BTBD9: variants seen among roughly 807,000 people sequenced by gnomAD.
BTBD9 encodes the protein BTB/POZ domain-containing protein 9.
In BTBD9, 49 loss-of-function variants were observed where a neutral mutation model predicts 64.3. That is an observed-to-expected ratio of 0.76 (90% confidence interval 0.61 to 0.97). BTBD9 has a LOEUF of 0.97. Among genes scored for constraint, BTBD9 ranks in the 50% least tolerant of loss-of-function variants. The pLI is 0.00. For synonymous variants in BTBD9, 260 were observed against 274.7 expected, an observed-to-expected ratio of 0.95 and a Z score of 0.53; for missense variants, 598 against 762.1, an observed-to-expected ratio of 0.78 and a Z score of 2.53.
chr6:38,418,194 A>G (rs1486831140), intron 6 of BTBD9, among the ~76,000 whole-genome samples: 4 of 152,224 alleles, frequency 2.6e-5, no homozygotes, highest in Non-Finnish European at 5.9e-5. Context: ...GCCTTCCAAG[A>G]GAAATAAATT....
intron 6 of BTBD9, among the ~76,000 whole-genome samples, chr6:38,533,264 T>G (rs1259626704): frequency 2.0e-5 from 3 of 152,092 alleles, no homozygotes; most frequent in African/African-American, 7.2e-5. Flanking sequence ...GGAGTAGCTA[T>G]ACTTATATCA....
chr6:38,182,885 A>G (rs1761625433), intron 10 of BTBD9, among the ~76,000 whole-genome samples: 2 of 152,162 alleles, frequency 1.3e-5, no homozygotes, highest in Non-Finnish European at 2.9e-5. Flanking sequence ...TGAAACAACC[A>G]TATGTGCTCA....
At chr6:38,395,312 T>C (rs1195722089) in intron 6 of BTBD9, among the ~76,000 whole-genome samples, 1 of 152,012 alleles carries the variant, frequency 6.6e-6, no homozygotes, top group Non-Finnish European at 1.5e-5. Context: ...GGTTTGCACC[T>C]ATAGTCCCAG....
intron 8 of BTBD9, among the ~76,000 whole-genome samples, chr6:38,282,751 G>T (rs747955391): frequency 1.3e-5 from 2 of 152,256 alleles, no homozygotes; most frequent in African/African-American, 2.4e-5. Context: ...CATCCCCAGA[G>T]GACTTACTGT....
intron 7 of BTBD9, among the ~76,000 whole-genome samples, chr6:38,322,661 C>T (rs575950708): frequency 1.3e-5 from 2 of 152,282 alleles, no homozygotes; most frequent in Admixed American, 6.5e-5. Context: ...TGGGGAGTGA[C>T]GTTTACAGCG....
chr6:38,380,828 G>C (rs2127614520), intron 6 of BTBD9, among the ~76,000 whole-genome samples: 1 of 152,228 alleles, frequency 6.6e-6, no homozygotes, highest in East Asian at 1.9e-4. Flanking sequence ...CTGGGCAACA[G>C]AGCGAGACCC....
At chr6:38,360,693 G>A (rs752420220) in intron 6 of BTBD9, among the ~76,000 whole-genome samples, 38 of 152,084 alleles carry the variant, frequency 2.5e-4, no homozygotes, top group Non-Finnish European at 4.9e-4. Flanking sequence ...GCAAAATCTA[G>A]GAATATGACC....
intron 6 of BTBD9, among the ~76,000 whole-genome samples, chr6:38,431,560 T>C (rs531889216): frequency 6.6e-5 from 10 of 152,272 alleles, no homozygotes; most frequent in Middle Eastern, 6.8e-3. Flanking sequence ...CTCCTCCCCA[T>C]TGTCTTATCT....
intron 6 of BTBD9, among the ~76,000 whole-genome samples, chr6:38,403,215 T>G (rs1767020974): frequency 6.6e-6 from 1 of 152,000 alleles, no homozygotes; most frequent in African/African-American, 2.4e-5. Context: ...ATTTAAAACT[T>G]TTGTGCTTCA....
intron 1 of BTBD9, among the ~76,000 whole-genome samples, chr6:38,604,431 G>C (rs562386364): frequency 6.6e-5 from 10 of 152,284 alleles, no homozygotes; most frequent in African/African-American, 2.2e-4. Flanking sequence ...GAACAAACTA[G>C]TTTCTGAATA....
intron 9 of BTBD9, among the ~76,000 whole-genome samples, chr6:38,203,174 G>T (rs1052301990): frequency 6.6e-6 from 1 of 152,072 alleles, no homozygotes; most frequent in Non-Finnish European, 1.5e-5. Flanking sequence ...AAAAATAATA[G>T]ATGTTGGTAA....
At chr6:38,516,893 C>T (rs752931291) in intron 6 of BTBD9, among the ~76,000 whole-genome samples, 1 of 152,192 alleles carries the variant, frequency 6.6e-6, no homozygotes, top group Non-Finnish European at 1.5e-5. Context: ...GCCTCTTCTG[C>T]CACCAACTCA....
chr6:38,185,576 C>T (rs553459972), intron 10 of BTBD9, among the ~76,000 whole-genome samples: 2 of 152,272 alleles, frequency 1.3e-5, no homozygotes, highest in African/African-American at 4.8e-5. Flanking sequence ...GTCTCTCAGC[C>T]TCGGTTGCCT....
intron 9 of BTBD9, among the ~76,000 whole-genome samples, chr6:38,200,683 G>A (rs930910390): frequency 1.6e-4 from 25 of 152,064 alleles, no homozygotes; most frequent in African/African-American, 5.8e-4. Context: ...ATAAACTCCT[G>A]GAAACATGCA....
At chr6:38,380,690 T>A (rs1765891179) in intron 6 of BTBD9, among the ~76,000 whole-genome samples, 1 of 152,008 alleles carries the variant, frequency 6.6e-6, no homozygotes, top group African/African-American at 2.4e-5. Context: ...AGAGTTTTTT[T>A]AAAATACAGC....
At chr6:38,613,427 G>C (rs1206840594) in intron 1 of BTBD9, among the ~76,000 whole-genome samples, 1 of 152,156 alleles carries the variant, frequency 6.6e-6, no homozygotes, top group Non-Finnish European at 1.5e-5. Flanking sequence ...TTTGAGACCA[G>C]CTTGGCCAAC....
intron 1 of BTBD9, among the ~76,000 whole-genome samples, chr6:38,611,012 A>G (rs1230057579): frequency 6.6e-6 from 1 of 152,092 alleles, no homozygotes; most frequent in African/African-American, 2.4e-5. Flanking sequence ...GAATAGATCT[A>G]TATGTTCTGA....
At chr6:38,215,985 C>T (rs1190450215) in intron 9 of BTBD9, among the ~76,000 whole-genome samples, 2 of 152,192 alleles carry the variant, frequency 1.3e-5, no homozygotes, top group African/African-American at 4.8e-5. Flanking sequence ...GGGGGAAGGC[C>T]CTCAATATCA....
At chr6:38,486,604 A>G (rs931703100) in intron 6 of BTBD9, among the ~76,000 whole-genome samples, 1 of 152,226 alleles carries the variant, frequency 6.6e-6, no homozygotes, top group East Asian at 1.9e-4. Context: ...ACACACATTT[A>G]TCTATTAAAT....
Sources: allele counts gnomAD v4.1 joint callset (sites outside exome capture counted in the v4.1 genomes callset), GRCh38; gene constraint gnomAD v4.1.1; transcripts MANE v1.5; gene names NCBI Gene and HGNC (gene_info 2026-07-23, HGNC 2026-07-21).